Variants in STK3 observed in about 807,000 individuals in gnomAD.
STK3 encodes serine/threonine kinase 3.
Under a neutral mutation model 58.0 loss-of-function variants are expected in STK3, and 41 were observed. The ratio of observed to expected loss-of-function variants is 0.71; its 90% CI spans 0.55 to 0.92. The LOEUF is 0.92. STK3 is among the 40% of genes least tolerant of loss of function. The probability of loss-of-function intolerance (pLI) is 0.00; values close to 1 mark genes in which losing one functional copy is unlikely to be tolerated. For synonymous variants in STK3, 170 were observed against 191.0 expected, an observed-to-expected ratio of 0.89 and a Z score of 0.91; for missense variants, 479 against 602.7, an observed-to-expected ratio of 0.79 and a Z score of 2.15.
chr8:98,357,746 T>C, the STK3 span, among the ~76,000 whole-genome samples: 1 of 152,334 alleles, frequency 6.6e-6, no homozygotes, highest in South Asian at 2.1e-4. Context: ...CCCACAGGAG[T>C]TGACCCATTT....
chr8:98,609,641 T>A (rs1817030255), intron 6 of STK3, among the ~76,000 whole-genome samples: 1 of 152,102 alleles, frequency 6.6e-6, no homozygotes, highest in South Asian at 2.1e-4. Flanking sequence ...CTTGAATGTA[T>A]CAGAAAACTT....
At chr8:98,933,840 G>C (rs561002531) in intron 1 of STK3, among the ~76,000 whole-genome samples, 1 of 152,156 alleles carries the variant, frequency 6.6e-6, no homozygotes, top group Admixed American at 6.5e-5. Flanking sequence ...TCTAGACTTG[G>C]AAGAGAGAAT....
chr8:98,373,569 G>A (rs573267574), intron 2 of STK3, among the ~76,000 whole-genome samples: 1 of 152,310 alleles, frequency 6.6e-6, no homozygotes, highest in African/African-American at 2.4e-5. Context: ...CTGAGGCCTA[G>A]AGAGATAATT....
intron 1 of STK3, chr8:98,437,338 AG>A (rs921701026): frequency 2.6e-5 from 4 of 152,284 alleles, no homozygotes; most frequent in African/African-American, 9.6e-5. Flanking sequence ...GGGCCTCTGA[AG>A]GTTGGATGAC....
chr8:98,941,314 T>G (rs568067670), intron 1 of STK3, among the ~76,000 whole-genome samples: 1 of 152,318 alleles, frequency 6.6e-6, no homozygotes, highest in South Asian at 2.1e-4. Context: ...CCAGGCGTCC[T>G]TGCTACTCCA....
At chr8:98,788,463 A>AAAC (rs1024032400) in intron 1 of STK3, among the ~76,000 whole-genome samples, 4 of 131,234 alleles carry the variant, frequency 3.0e-5, no homozygotes, top group African/African-American at 8.8e-5. Flanking sequence ...ACAAACAAAC[A>AAAC]AAAAAAAAAA....
chr8:98,898,896 G>A (rs189090190), intron 1 of STK3, among the ~76,000 whole-genome samples: 50 of 152,174 alleles, frequency 3.3e-4, no homozygotes, highest in Middle Eastern at 3.4e-3. Flanking sequence ...GTACGTGCTC[G>A]GCCACAGCCA....
chr8:98,936,091 T>C (rs568544797), intron 1 of STK3, among the ~76,000 whole-genome samples: 3 of 152,132 alleles, frequency 2.0e-5, no homozygotes, highest in African/African-American at 7.2e-5. Flanking sequence ...ATTTTGTTTT[T>C]GCATTTTCAG....
intron 4 of STK3, among the ~76,000 whole-genome samples, chr8:98,741,055 C>T (rs200167892): frequency 4.1e-4 from 63 of 152,210 alleles, no homozygotes; most frequent in Non-Finnish European, 7.2e-4. Context: ...CTATCCTAAA[C>T]ATATATGCAC....
At chr8:98,387,716 G>A (rs1214485787) in intron 1 of STK3, among the ~76,000 whole-genome samples, 1 of 152,120 alleles carries the variant, frequency 6.6e-6, no homozygotes, top group East Asian at 1.9e-4. Flanking sequence ...ACTCCAGCCT[G>A]GGCAACAAGA....
At chr8:98,816,408 G>A (rs908196033) in intron 1 of STK3, among the ~76,000 whole-genome samples, 1 of 152,096 alleles carries the variant, frequency 6.6e-6, no homozygotes, top group African/African-American at 2.4e-5. Context: ...CTCCTCAGAA[G>A]GCTGAGGCAG....
At chr8:98,391,764 T>C (rs777242439), upstream of STK3, among the ~76,000 whole-genome samples, 23 of 152,178 alleles carry the variant, frequency 1.5e-4, no homozygotes, top group Non-Finnish European at 2.9e-4. Context: ...GGGTAGAGTG[T>C]GCTTACTCCA....
chr8:98,504,820 A>G (rs1823922994), intron 10 of STK3, among the ~76,000 whole-genome samples: 1 of 152,078 alleles, frequency 6.6e-6, no homozygotes, highest in Non-Finnish European at 1.5e-5. Context: ...GCTGCCCTGA[A>G]TATTTTTTCC....
chr8:98,462,943 G>C (rs1040712118), intron 10 of STK3: 15 of 150,722 alleles, frequency 1.0e-4, no homozygotes, highest in African/African-American at 3.7e-4. Flanking sequence ...CATTTAGGTA[G>C]AAATATATGG....
At chr8:98,447,221 C>A (rs1477969405) in intron 1 of STK3, among the ~76,000 whole-genome samples, 1 of 152,038 alleles carries the variant, frequency 6.6e-6, no homozygotes, top group African/African-American at 2.4e-5. Flanking sequence ...CAAACCTTCA[C>A]ATGTGTCCCC....
At chr8:98,599,028 T>A in intron 6 of STK3, 1 of 414,398 alleles carries the variant, frequency 2.4e-6, no homozygotes, top group Non-Finnish European at 3.2e-6. Context: ...ATAATCTCAG[T>A]GGAATGAGTC....
intron 10 of STK3, among the ~76,000 whole-genome samples, chr8:98,491,896 T>C (rs558831907): frequency 6.6e-6 from 1 of 152,292 alleles, no homozygotes; most frequent in African/African-American, 2.4e-5. Flanking sequence ...AAAAGATATT[T>C]TTAATACAAA....
intron 6 of STK3, among the ~76,000 whole-genome samples, chr8:98,687,971 A>T (rs936887310): frequency 1.3e-5 from 2 of 152,210 alleles, no homozygotes; most frequent in Admixed American, 1.3e-4. Flanking sequence ...CCCACTTAAA[A>T]GACATAGAGT....
chr8:98,731,418 C>CT (rs1828191992), intron 4 of STK3, among the ~76,000 whole-genome samples: 1 of 152,078 alleles, frequency 6.6e-6, no homozygotes. Context: ...GAAAGGGTTC[C>CT]TCTCTAAAGA....
Sources: gnomAD v4.1 joint callset for allele counts (sites outside exome capture counted in the v4.1 genomes callset) on GRCh38, gnomAD v4.1.1 for gene constraint, MANE v1.5 for transcripts, NCBI Gene and HGNC (gene_info 2026-07-23, HGNC 2026-07-21) for gene names.